The following VPS8 variants were observed in gnomAD, a reference collection of about 807,000 sequenced individuals.
VPS8 encodes the protein VPS8 subunit of CORVET complex, also known as vacuolar protein sorting-associated protein 8 homolog.
VPS8 carries 129 observed loss-of-function variants against 216.4 expected under a neutral mutation model. The observed-to-expected ratio is 0.60, with a 90% CI of 0.52 to 0.69. The LOEUF is 0.69. Among genes scored for constraint, VPS8 ranks in the 30% least tolerant of loss-of-function variants. The pLI, the probability that VPS8 is intolerant of heterozygous loss-of-function variation, is 0.00. For synonymous variants in VPS8, 571 were observed against 565.4 expected, an observed-to-expected ratio of 1.01 and a Z score of -0.14; for missense variants, 1,531 against 1,683.5, an observed-to-expected ratio of 0.91 and a Z score of 1.59.
chr3:184,841,914 G>A (rs1019355205), intron 7 of VPS8, among the ~76,000 whole-genome samples: 6 of 152,012 alleles, frequency 3.9e-5, no homozygotes, highest in Admixed American at 3.9e-4. Context: ...TGAGAGAAAA[G>A]GAGGCAAATT....
chr3:185,020,740 A>G (rs1168574824), intron 45 of VPS8, among the ~76,000 whole-genome samples: 1 of 152,200 alleles, frequency 6.6e-6, no homozygotes, highest in East Asian at 1.9e-4. Context: ...AATTGCTGGT[A>G]TTACAGGTAT....
In VPS8 at chr3:184,982,881, A is replaced by G. The variant is rs1750443276; in HGVS notation, c.3503-131A>G. The G allele has an allele frequency of 6.1e-6, 5 of 824,782 alleles. No homozygotes were observed. The South Asian group carries it at 1.2e-4, about 20-fold the overall frequency. The allele number at this position is 824,782 out of a possible 1,614,324, so 51.1% of individuals were successfully genotyped here. A position where few individuals can be genotyped will look rare whatever the true frequency, so the allele number is the denominator to read the frequency against. The stretch of plus-strand genomic sequence containing the variant: ...TAACTTGTCAACAGTTAATTTTAAA[A>G]TATCAAAGAGGCCTTGGTTAGCTAA... On this transcript the variant is annotated intron_variant, in intron 41 of 47. Coordinates refer to ENST00000625842, the MANE Select transcript of VPS8 (RefSeq NM_001009921.3).
At position 184,870,749 on chromosome 3, in the gene VPS8, G is replaced by A. The variant is rs374186967; in HGVS notation, c.1678G>A (p.Ala560Thr). 3 of 1,612,444 alleles carry A rather than the reference G, an allele frequency of 1.9e-6. No individual in the cohort carries two copies. The African/African-American group carries it at 4.0e-5, about 22-fold the overall frequency. Residue 560 changes from alanine (A) to threonine (T), a missense_variant, in exon 21 of 48, where the codon GCT becomes ACT. This residue lies in a region of VPS8 where 1,318 missense variants were observed against 1,468.4 expected (regional missense o/e 0.90). Coordinates refer to ENST00000625842, the MANE Select transcript of VPS8 (RefSeq NM_001009921.3). ...VEILFHYADR[A>T]LKKCPDQGKI... ...AATCCTATTCCATTATGCAGATCGAGCTCTGAAAAAGTGCCCAGACCAAGG... is the reference window on the plus strand; with the variant it reads ...AATCCTATTCCATTATGCAGATCGAACTCTGAAAAAGTGCCCAGACCAAGG...
chr3:185,045,474 T>C (rs1425686527), intron 46 of VPS8, among the ~76,000 whole-genome samples: 1 of 152,046 alleles, frequency 6.6e-6, no homozygotes, highest in African/African-American at 2.4e-5. Flanking sequence ...TTGATATGTT[T>C]GTTAAGAGGT....
intron 21 of VPS8, among the ~76,000 whole-genome samples, chr3:184,878,592 A>C (rs1246347360): frequency 6.6e-6 from 1 of 152,214 alleles, no homozygotes; most frequent in Non-Finnish European, 1.5e-5. Flanking sequence ...AGAGCGAGGC[A>C]GTAGGAGCTT....
At chr3:184,845,682 G>A (rs1288041120) in intron 8 of VPS8, among the ~76,000 whole-genome samples, 7 of 149,526 alleles carry the variant, frequency 4.7e-5, no homozygotes, top group African/African-American at 1.7e-4. Context: ...TTGAACCCGG[G>A]AAGCAGAGGT....
intron 21 of VPS8, among the ~76,000 whole-genome samples, chr3:184,875,056 CTT>C (rs5855044): frequency 7.8e-3 from 785 of 100,256 alleles, no homozygotes; most frequent in South Asian, 0.011. Flanking sequence ...GTTTTTAAAA[CTT>C]TTTTTTTTTT....
chr3:184,910,521 C>G (rs1309376700), intron 25 of VPS8, among the ~76,000 whole-genome samples: 2 of 152,186 alleles, frequency 1.3e-5, no homozygotes, highest in Non-Finnish European at 2.9e-5. Context: ...AGAGGGAGCT[C>G]CATTCTTGAT....
At chr3:184,914,545 T>C (rs1479447975) in intron 26 of VPS8, among the ~76,000 whole-genome samples, 1 of 152,200 alleles carries the variant, frequency 6.6e-6, no homozygotes, top group African/African-American at 2.4e-5. Flanking sequence ...ACATTTAGCC[T>C]CTTTCCCCAT....
intron 36 of VPS8, 75 bp from the exon 37 acceptor site, chr3:184,957,299 A>T: frequency 6.9e-7 from 1 of 1,442,044 alleles, no homozygotes; most frequent in Non-Finnish European, 9.4e-7. Context: ...TGTGCTTTTT[A>T]CTGGTAGCTT....
At chr3:184,839,632 C>G (rs971162516) in intron 6 of VPS8, 66 bp from the exon 7 acceptor site, 18 of 1,491,036 alleles carry the variant, frequency 1.2e-5, no homozygotes, top group Non-Finnish European at 3.6e-6. Context: ...CCAACAAATT[C>G]AACTCTGATT....
At chr3:184,949,924 T>C (rs1359402022) in intron 36 of VPS8, among the ~76,000 whole-genome samples, 3 of 152,110 alleles carry the variant, frequency 2.0e-5, no homozygotes, top group African/African-American at 4.8e-5. Flanking sequence ...TGTTTTTTAA[T>C]TGAGACAGAG....
intron 42 of VPS8, among the ~76,000 whole-genome samples, chr3:184,992,847 G>A (rs1752087553): frequency 6.6e-6 from 1 of 152,224 alleles, no homozygotes; most frequent in East Asian, 1.9e-4. Flanking sequence ...CCTAAAATAG[G>A]TAGAGCAATT....
intron 25 of VPS8, among the ~76,000 whole-genome samples, chr3:184,907,663 A>G (rs1735730480): frequency 6.6e-6 from 1 of 152,224 alleles, no homozygotes; most frequent in Admixed American, 6.5e-5. Context: ...TGTTAGGTCT[A>G]GTTTGCTTAT....
At chr3:185,049,514 C>T (rs1273315945) in intron 47 of VPS8, among the ~76,000 whole-genome samples, 4 of 152,250 alleles carry the variant, frequency 2.6e-5, no homozygotes, top group African/African-American at 4.8e-5. Context: ...TTATCACTCA[C>T]GGAGGCCACT....
intron 21 of VPS8, among the ~76,000 whole-genome samples, chr3:184,881,733 A>T (rs975062404): frequency 1.3e-5 from 2 of 152,050 alleles, no homozygotes; most frequent in African/African-American, 4.8e-5. Flanking sequence ...AGGAGAACTG[A>T]TATTTTTACT....
intron 36 of VPS8, 27 bp downstream of exon 36, chr3:184,940,270 T>TAATA: frequency 1.7e-6 from 1 of 578,732 alleles, no homozygotes; most frequent in Non-Finnish European, 2.6e-6. Context: ...TAGTCTTTCA[T>TAATA]TATATATATA....
At chr3:185,015,540 C>A (rs2110023349) in intron 45 of VPS8, among the ~76,000 whole-genome samples, 1 of 152,254 alleles carries the variant, frequency 6.6e-6, no homozygotes, top group South Asian at 2.1e-4. Flanking sequence ...ACCTGTTGAT[C>A]CAGAATAAGA....
At chr3:184,927,983 A>G (rs1739983314) in intron 31 of VPS8, among the ~76,000 whole-genome samples, 1 of 152,162 alleles carries the variant, frequency 6.6e-6, no homozygotes, top group African/African-American at 2.4e-5. Flanking sequence ...GGCCATTTGG[A>G]TTGTTTCCAC....
Sources: gnomAD v4.1 joint callset for allele counts (sites outside exome capture counted in the v4.1 genomes callset) on GRCh38, gnomAD v4.1.1 for gene constraint, gnomAD v4.1.1 regional missense constraint, MANE v1.5 for transcripts, NCBI Gene and HGNC (gene_info 2026-07-23, HGNC 2026-07-21) for gene names.